The following ZNF469 variants were observed in gnomAD, a reference collection of about 807,000 sequenced individuals.
ZNF469 encodes the protein zinc finger protein 469.
A neutral mutation model predicts 1.0 loss-of-function variants in ZNF469; 1 was observed. The observed-to-expected ratio is 1.00, with a 90% CI of 0.35 to 4.73. The LOEUF is 4.73. Ranked by LOEUF, ZNF469 falls within the 30% of genes most tolerant of loss-of-function variation. The pLI, the probability that ZNF469 is intolerant of heterozygous loss-of-function variation, is 0.16. For synonymous variants in ZNF469, 2,703 were observed against 2,363.4 expected (o/e 1.14, Z -4.17); for missense variants, 6,100 against 5,356.3 (o/e 1.14, Z -4.33).
At chr16:88,261,091 C>T in the ZNF469 span, among the ~76,000 whole-genome samples, 3 of 152,076 alleles carry the variant, frequency 2.0e-5, no homozygotes, top group African/African-American at 7.2e-5. This position sits in a 1 kb window ranked among gnomAD's most constrained non-coding sequence, Gnocchi z 6.0. Context: ...GGATGCGGTC[C>T]GGAGAGGCTC....
At chr16:88,298,818 A>T in the ZNF469 span, among the ~76,000 whole-genome samples, 4 of 151,996 alleles carry the variant, frequency 2.6e-5, no homozygotes, top group African/African-American at 9.7e-5. Context: ...AATTCCTTCC[A>T]TCTTTGAAGC....
chr16:88,110,518 C>T, the ZNF469 span, among the ~76,000 whole-genome samples: 2 of 152,244 alleles, frequency 1.3e-5, no homozygotes. Flanking sequence ...CCCTCCTGCT[C>T]CTCCACACCC....
At chr16:88,390,015 G>A (rs1904441088) in intron 1 of ZNF469, among the ~76,000 whole-genome samples, 1 of 152,206 alleles carries the variant, frequency 6.6e-6, no homozygotes, top group Admixed American at 6.5e-5. Flanking sequence ...GACGCTGTTC[G>A]TCCTTGCACA....
At chr16:88,373,492 T>G in the ZNF469 span, among the ~76,000 whole-genome samples, 147 of 152,184 alleles carry the variant, frequency 9.7e-4, no homozygotes, top group African/African-American at 3.4e-3. Flanking sequence ...GGAGATCTGG[T>G]CCCACCCTGC....
At chr16:88,336,550 A>G in the ZNF469 span, among the ~76,000 whole-genome samples, 1 of 151,100 alleles carries the variant, frequency 6.6e-6, no homozygotes, top group South Asian at 2.1e-4. Context: ...CTGATGTGCC[A>G]ATACCACACA....
chr16:88,435,596 C>A lies in ZNF469; in HGVS notation c.8126C>A (p.Thr2709Asn). The change falls in exon 3 of 3, where the codon ACT (threonine) becomes AAT (asparagine). Residue 2709 changes from threonine (T) to asparagine (N), a missense_variant. Thr to Asn is a moderately conservative substitution (Grantham distance 65). Transcript: ENST00000565624. ...GPGVMEGAAE[T>N]DQEALCAGET... ...GGGGTGATGGAGGGTGCAGCGGAGA[C>A]TGACCAGGAGGCTCTGTGTGCAGGG... 6.5e-7 allele frequency: 1 copy of A among 1,550,046 alleles called. No homozygotes were observed. The highest frequency in any genetic ancestry group is 8.7e-7 in the Non-Finnish European group (1 of 1,146,832).
intron 1 of ZNF469, among the ~76,000 whole-genome samples, chr16:88,394,977 C>T (rs1904612753): frequency 6.6e-6 from 1 of 152,210 alleles, no homozygotes; most frequent in Admixed American, 6.5e-5. Context: ...CAGCGTTGCC[C>T]CCATCAGCCT....
the ZNF469 span, among the ~76,000 whole-genome samples, chr16:88,209,185 G>A: frequency 6.6e-6 from 1 of 152,074 alleles, no homozygotes; most frequent in African/African-American, 2.4e-5. Flanking sequence ...TCGGAGAAAT[G>A]TCGCTCCCTA....
In ZNF469 at chr16:88,434,506, A is replaced by G. The variant is rs1007241324; in HGVS notation, c.7036A>G (p.Thr2346Ala). The change falls in exon 3 of 3, where the codon ACA becomes GCA. Residue 2346 changes from threonine (T) to alanine (A), a missense_variant. Thr to Ala is a moderately conservative substitution (Grantham distance 58). Transcript: ENST00000565624. Reference sequence around the variant, plus strand: ...CGGCCACAGGGAGGGCCAGGCTGTCACAGCTGTGCCCACTGAGCCTCCCAC... The same window carrying G: ...CGGCCACAGGGAGGGCCAGGCTGTCGCAGCTGTGCCCACTGAGCCTCCCAC... ...RLGHREGQAV[T>A]AVPTEPPTLQ... 5.2e-6 allele frequency: 8 copies of G among 1,550,096 alleles called. No individual in the cohort carries two copies. The highest frequency in any genetic ancestry group is 7.0e-6 in the Non-Finnish European group (8 of 1,146,946).
chr16:88,360,167 C>T, the ZNF469 span, among the ~76,000 whole-genome samples: 1 of 151,634 alleles, frequency 6.6e-6, no homozygotes, highest in South Asian at 2.1e-4. Context: ...ATTACAGGTG[C>T]ACACCATCAC....
chr16:88,125,465 A>G, the ZNF469 span, among the ~76,000 whole-genome samples: 2 of 152,276 alleles, frequency 1.3e-5, no homozygotes, highest in Non-Finnish European at 2.9e-5. Context: ...GTCGGTTTCT[A>G]CAAAAATAGC....
chr16:88,223,847 A>G, the ZNF469 span, among the ~76,000 whole-genome samples: 1 of 152,166 alleles, frequency 6.6e-6, no homozygotes, highest in South Asian at 2.1e-4. Flanking sequence ...TTAGAATGTA[A>G]ACTGTGTGGA....
At chr16:88,161,377 A>C in the ZNF469 span, among the ~76,000 whole-genome samples, 2 of 152,186 alleles carry the variant, frequency 1.3e-5, no homozygotes, top group Non-Finnish European at 2.9e-5. Flanking sequence ...TACTGCCTGC[A>C]GGTGTGTGCT....
the ZNF469 span, among the ~76,000 whole-genome samples, chr16:88,376,163 T>C: frequency 6.6e-6 from 1 of 152,250 alleles, no homozygotes; most frequent in Admixed American, 6.5e-5. Flanking sequence ...TCTGCACGCC[T>C]TCGCCAGTCG....
At chr16:88,263,882 C>T in the ZNF469 span, among the ~76,000 whole-genome samples, 1 of 152,076 alleles carries the variant, frequency 6.6e-6, no homozygotes, top group Admixed American at 6.5e-5. Flanking sequence ...TGCCTCCTTG[C>T]TGGGGCATCT....
At chr16:88,102,411 T>G in the ZNF469 span, among the ~76,000 whole-genome samples, 1 of 152,160 alleles carries the variant, frequency 6.6e-6, no homozygotes, top group African/African-American at 2.4e-5. Flanking sequence ...TCCCAGCTAC[T>G]CAGGAGGCTG....
the ZNF469 span, among the ~76,000 whole-genome samples, chr16:88,359,425 T>C: frequency 6.6e-6 from 1 of 152,210 alleles, no homozygotes; most frequent in Admixed American, 6.5e-5. Context: ...CCTGCCCACA[T>C]TTGCTATTGT....
chr16:88,223,256 G>C, the ZNF469 span, among the ~76,000 whole-genome samples: 11 of 152,218 alleles, frequency 7.2e-5, no homozygotes, highest in Non-Finnish European at 1.5e-4. Flanking sequence ...TCGTGGCAGT[G>C]AATAAGTCTC....
At chr16:88,214,490 A>G in the ZNF469 span, among the ~76,000 whole-genome samples, 2 of 150,354 alleles carry the variant, frequency 1.3e-5, no homozygotes, top group Non-Finnish European at 3.0e-5. Flanking sequence ...TTTAGAAGGT[A>G]TGGTTTTATT....
Sources: allele counts gnomAD v4.1 joint callset (sites outside exome capture counted in the v4.1 genomes callset), GRCh38; gene constraint gnomAD v4.1.1; non-coding constraint Gnocchi (gnomAD v3.1); transcripts MANE v1.5; gene names NCBI Gene and HGNC (gene_info 2026-07-23, HGNC 2026-07-21).